MACROD2: variants seen among roughly 807,000 people sequenced by gnomAD.
MACROD2 encodes ADP-ribose glycohydrolase MACROD2.
In MACROD2, 36 loss-of-function variants were observed where a neutral mutation model predicts 70.4. The observed-to-expected ratio is 0.51, with a 90% CI of 0.39 to 0.68. The LOEUF is 0.68. MACROD2 is among the 30% of genes least tolerant of loss of function. The pLI, the probability that MACROD2 is intolerant of heterozygous loss-of-function variation, is 0.00. For missense variants in MACROD2, 496 were observed against 538.4 expected, an observed-to-expected ratio of 0.92 and a Z score of 0.78; for synonymous variants, 172 against 178.8, an observed-to-expected ratio of 0.96 and a Z score of 0.30.
chr20:14,624,176 C>G (rs1299274784), intron 4 of MACROD2, among the ~76,000 whole-genome samples: 1 of 152,142 alleles, frequency 6.6e-6, no homozygotes, highest in African/African-American at 2.4e-5. Context: ...ATACAGGGGT[C>G]TTCTCCATCA....
intron 5 of MACROD2, among the ~76,000 whole-genome samples, chr20:15,118,350 A>C (rs1217757099): frequency 6.6e-6 from 1 of 151,742 alleles, no homozygotes; most frequent in Non-Finnish European, 1.5e-5. Context: ...GCGCCACCAC[A>C]CCCAGCTAAT....
At chr20:15,277,285 C>T (rs1462506469) in intron 6 of MACROD2, among the ~76,000 whole-genome samples, 1 of 152,180 alleles carries the variant, frequency 6.6e-6, no homozygotes, top group Non-Finnish European at 1.5e-5. Flanking sequence ...CCTCAGCAGA[C>T]CTCTCTGATG....
chr20:16,026,438 A>T (rs1367566020), intron 15 of MACROD2, among the ~76,000 whole-genome samples: 1 of 152,178 alleles, frequency 6.6e-6, no homozygotes, highest in East Asian at 1.9e-4. Context: ...GGAATATGGA[A>T]GATGTTTGAG....
intron 6 of MACROD2, among the ~76,000 whole-genome samples, chr20:15,265,600 A>T (rs1325453617): frequency 6.6e-6 from 1 of 152,236 alleles, no homozygotes; most frequent in East Asian, 1.9e-4. Flanking sequence ...AAGAGGGACA[A>T]ATCACAAGAA....
intron 8 of MACROD2, among the ~76,000 whole-genome samples, chr20:15,581,511 T>C (rs1443114445): frequency 6.6e-6 from 1 of 152,206 alleles, no homozygotes; most frequent in African/African-American, 2.4e-5. Flanking sequence ...TGTGTATCCT[T>C]ATATGATGAA....
intron 8 of MACROD2, among the ~76,000 whole-genome samples, chr20:15,802,542 T>A (rs182221934): frequency 1.3e-4 from 19 of 149,672 alleles, no homozygotes; most frequent in Middle Eastern, 3.4e-3. Flanking sequence ...AAATATCACT[T>A]GATCATTGTA....
intron 4 of MACROD2, among the ~76,000 whole-genome samples, chr20:14,587,828 T>C (rs1981487819): frequency 6.6e-6 from 1 of 152,066 alleles, no homozygotes. Flanking sequence ...TAATTTTAAA[T>C]TGAGATATAG....
intron 5 of MACROD2, among the ~76,000 whole-genome samples, chr20:15,217,398 T>G (rs1330462812): frequency 6.6e-6 from 1 of 152,152 alleles, no homozygotes; most frequent in Non-Finnish European, 1.5e-5. Context: ...ATTATCCTAT[T>G]TTTTAGAGAG....
intron 5 of MACROD2, among the ~76,000 whole-genome samples, chr20:14,697,982 C>T (rs1447850687): frequency 6.6e-6 from 1 of 152,158 alleles, no homozygotes; most frequent in Non-Finnish European, 1.5e-5. Context: ...TTCATTCAGG[C>T]AGCAATCACT....
At chr20:14,194,856 A>G (rs1399967635) in intron 3 of MACROD2, among the ~76,000 whole-genome samples, 1 of 152,228 alleles carries the variant, frequency 6.6e-6, no homozygotes, top group Non-Finnish European at 1.5e-5. Flanking sequence ...GTGTAAACAT[A>G]CCAACAAGCT....
intron 5 of MACROD2, among the ~76,000 whole-genome samples, chr20:14,891,448 A>T (rs1389489642): frequency 3.9e-5 from 6 of 152,208 alleles, no homozygotes; most frequent in African/African-American, 9.6e-5. Context: ...ATTGTCTGTT[A>T]TGTATGCATG....
chr20:15,124,381 A>G (rs1397829634), intron 5 of MACROD2, among the ~76,000 whole-genome samples: 1 of 151,106 alleles, frequency 6.6e-6, no homozygotes, highest in Non-Finnish European at 1.5e-5. Flanking sequence ...AAAGGCAAAG[A>G]TAAAATTACA....
Position 14,778,862 on chromosome 20 carries a change from A to G in MACROD2, c.418+93903A>G, listed in dbSNP as rs765166984. ...CAGTACTTTCATGATCAAGCATTCCAAACACCTCATTTAATGAGGGAAGCT... is the reference window on the plus strand; with the variant it reads ...CAGTACTTTCATGATCAAGCATTCCGAACACCTCATTTAATGAGGGAAGCT... On this transcript the variant is annotated intron_variant, in intron 5 of 17. Coordinates refer to ENST00000684519, the MANE Select transcript of MACROD2 (RefSeq NM_001351661.2). 5.7e-4 allele frequency among the ~76,000 whole-genome samples: 87 copies of G among 152,206 alleles called. 1 individual carries two copies. Among genetic ancestry groups the G allele is most frequent in the Middle Eastern group, 6.8e-3 (2 of 294 alleles).
At chr20:15,998,799 C>T (rs2066668828) in intron 15 of MACROD2, among the ~76,000 whole-genome samples, 2 of 151,932 alleles carry the variant, frequency 1.3e-5, no homozygotes, top group Admixed American at 6.6e-5. Flanking sequence ...CTCCTGATCT[C>T]GTGATCTGCC....
chr20:14,199,941 T>C (rs899460134), intron 3 of MACROD2, among the ~76,000 whole-genome samples: 1 of 152,268 alleles, frequency 6.6e-6, no homozygotes, highest in East Asian at 1.9e-4. Context: ...ATCCACCTAT[T>C]CTTAGATATT....
chr20:14,862,715 A>ATATAAAAATATATATATTT lies in MACROD2; in HGVS notation c.418+177757_418+177758insATAAAAATATATATATTTT, dbSNP rs2073384739. Among the ~76,000 whole-genome samples, 2 of 63,348 alleles carry ATATAAAAATATATATATTT rather than the reference A, an allele frequency of 3.2e-5. 1 individual carries two copies. The highest frequency in any genetic ancestry group is 1.0e-3 in the East Asian group (2 of 1,960). 41.6% of individuals were successfully genotyped at this position (63,348 alleles called of 152,430 possible). ...AATATATATAAATATATATATATAT[A>ATATAAAAATATATATATTT]TTTTTTTTTAATAGAGAGGATGAAG... On this transcript the variant is annotated intron_variant, in intron 5 of 17. Transcript: ENST00000684519.
chr20:15,844,801 A>G (rs905191632), intron 8 of MACROD2, among the ~76,000 whole-genome samples: 3 of 152,168 alleles, frequency 2.0e-5, no homozygotes, highest in Non-Finnish European at 2.9e-5. Context: ...ATAAAAGGAT[A>G]AGGAAAACTA....
At chr20:14,345,474 A>G (rs2083054020) in intron 3 of MACROD2, among the ~76,000 whole-genome samples, 1 of 151,648 alleles carries the variant, frequency 6.6e-6, no homozygotes, top group African/African-American at 2.4e-5. Context: ...TTTAAATCAT[A>G]TTTGTGTCTT....
At chr20:15,381,195 A>C (rs889166644) in intron 6 of MACROD2, among the ~76,000 whole-genome samples, 6 of 152,064 alleles carry the variant, frequency 3.9e-5, no homozygotes, top group African/African-American at 1.4e-4. Flanking sequence ...AACTTCATAC[A>C]TGTGTGTATC....
Sources: gnomAD v4.1 joint callset for allele counts (sites outside exome capture counted in the v4.1 genomes callset) on GRCh38, gnomAD v4.1.1 for gene constraint, MANE v1.5 for transcripts, NCBI Gene and HGNC (gene_info 2026-07-23, HGNC 2026-07-21) for gene names.